The following ANKS1B variants were observed in gnomAD, a reference collection of about 807,000 sequenced individuals.
The protein encoded by ANKS1B is ankyrin repeat and sterile alpha motif domain containing 1B.
Under a neutral mutation model 148.3 loss-of-function variants are expected in ANKS1B, and 36 were observed. The observed-to-expected ratio is 0.24, with a 90% confidence interval of 0.19 to 0.32. The LOEUF is 0.32. Ranked by LOEUF, ANKS1B falls within the 10% of genes least tolerant of loss-of-function variation. ANKS1B has a pLI of 1.00. For missense variants in ANKS1B, 1,157 were observed against 1,542.6 expected, an observed-to-expected ratio of 0.75 and a Z score of 4.19; for synonymous variants, 542 against 560.8, an observed-to-expected ratio of 0.97 and a Z score of 0.47.
At chr12:99,105,656 C>T (rs1398686354) in intron 15 of ANKS1B, among the ~76,000 whole-genome samples, 3 of 150,358 alleles carry the variant, frequency 2.0e-5, no homozygotes, top group Admixed American at 6.6e-5. Context: ...GTAGTCCCAG[C>T]TACTCGGTAG....
Position 99,706,120 on chromosome 12 carries a change from TG to T in ANKS1B, c.1129-50911del, listed in dbSNP as rs373376382. On this transcript the variant is annotated intron_variant, in intron 8 of 26. Coordinates refer to ENST00000683438, the MANE Select transcript of ANKS1B (RefSeq NM_001352186.2). ...TAAAGAGATAGTCATGGAAAACATGTGTGTGCTTGTGTGGGGTACTGTTATA... is the reference window on the plus strand; with the variant it reads ...TAAAGAGATAGTCATGGAAAACATGTTGTGCTTGTGTGGGGTACTGTTATA... Among the ~76,000 whole-genome samples, 597 of 152,164 alleles carry T rather than the reference TG, an allele frequency of 3.9e-3. 9 individuals are homozygous for T. The highest frequency in any genetic ancestry group is 0.014 in the African/African-American group (568 of 41,532).
intron 9 of ANKS1B, among the ~76,000 whole-genome samples, chr12:99,643,859 TCA>T (rs774384245): frequency 1.9e-4 from 29 of 152,202 alleles, no homozygotes; most frequent in African/African-American, 2.7e-4. Context: ...TTGAATAATC[TCA>T]GTTTTTGATC....
At chr12:99,548,177 T>C (rs562368686) in intron 9 of ANKS1B, among the ~76,000 whole-genome samples, 1 of 152,304 alleles carries the variant, frequency 6.6e-6, no homozygotes, top group African/African-American at 2.4e-5. Context: ...GCCTGAAATA[T>C]ATAATAGCAT....
rs35069354 is a variant in ANKS1B at position 99,668,719 on chromosome 12, A to AT, written c.1129-13510dup. On this transcript the variant is annotated intron_variant, in intron 8 of 26. Transcript: ENST00000683438. ...AAATTTTTCAGCCATTGTTTTTGTT[A>AT]TTTTTTTTTGTTATTCTTTCATTCC... Among the ~76,000 whole-genome samples, 530 of 149,656 alleles carry AT rather than the reference A, an allele frequency of 3.5e-3. 3 individuals carry two copies. Among genetic ancestry groups the AT allele is most frequent in the Non-Finnish European group, 5.6e-3 (373 of 67,090 alleles).
At chr12:99,370,014 T>C (rs531309118) in intron 12 of ANKS1B, among the ~76,000 whole-genome samples, 1 of 152,266 alleles carries the variant, frequency 6.6e-6, no homozygotes, top group Admixed American at 6.5e-5. Context: ...TGAAGAACAT[T>C]GTACAAATAT....
intron 9 of ANKS1B, among the ~76,000 whole-genome samples, chr12:99,599,211 T>C (rs1348072260): frequency 1.3e-5 from 2 of 152,108 alleles, no homozygotes; most frequent in African/African-American, 4.8e-5. Flanking sequence ...TAACATTTAC[T>C]GGTACCAAGA....
At chr12:99,921,385 T>C (rs761577736) in intron 1 of ANKS1B, among the ~76,000 whole-genome samples, 2 of 152,276 alleles carry the variant, frequency 1.3e-5, no homozygotes, top group East Asian at 1.9e-4. Flanking sequence ...TCTCCAGCCA[T>C]GCAGAACTGT....
At chr12:99,320,518 C>T (rs2085050497) in intron 12 of ANKS1B, among the ~76,000 whole-genome samples, 1 of 152,142 alleles carries the variant, frequency 6.6e-6, no homozygotes, top group Admixed American at 6.5e-5. Context: ...TCATGTAGTT[C>T]TCGTGGCATG....
intron 15 of ANKS1B, chr12:99,097,084 T>C (rs1026285959): frequency 1.3e-5 from 2 of 152,178 alleles, no homozygotes; most frequent in Non-Finnish European, 1.5e-5. Flanking sequence ...GTTTGCTAAG[T>C]GTTGAATAAA....
At chr12:99,440,231 T>C (rs1342874771) in intron 11 of ANKS1B, among the ~76,000 whole-genome samples, 1 of 151,820 alleles carries the variant, frequency 6.6e-6, no homozygotes, top group Non-Finnish European at 1.5e-5. Context: ...GTTATACCTA[T>C]GTAAATAATT....
chr12:99,779,574 T>C (rs953454442), intron 6 of ANKS1B, among the ~76,000 whole-genome samples: 2 of 152,186 alleles, frequency 1.3e-5, no homozygotes, highest in Non-Finnish European at 2.9e-5. Flanking sequence ...TATAGCCTTA[T>C]TAACTTCCAG....
chr12:99,750,673 CCCATCCCCTTTAACCT>C (rs942216291), intron 8 of ANKS1B, among the ~76,000 whole-genome samples: 9 of 151,908 alleles, frequency 5.9e-5, no homozygotes, highest in Non-Finnish European at 8.8e-5. Context: ...TGTTTCCAGG[CCCATCCCCTTTAACCT>C]CCTACCTCAC....
intron 15 of ANKS1B, among the ~76,000 whole-genome samples, chr12:99,134,645 TCACACACACACACACACACACACACA>T (rs4016023): frequency 3.9e-4 from 41 of 105,048 alleles, no homozygotes; most frequent in South Asian, 1.0e-3. Context: ...TCTCTCTCTC[TCACACACACACACACACACACACACA>T]CACACACACA....
chr12:99,461,616 T>C (rs2095972588), intron 10 of ANKS1B, among the ~76,000 whole-genome samples: 1 of 152,182 alleles, frequency 6.6e-6, no homozygotes. Context: ...ATAGCTATAA[T>C]TTATGAACTT....
At chr12:98,815,574 A>C (rs2099132779) in intron 19 of ANKS1B, among the ~76,000 whole-genome samples, 1 of 152,156 alleles carries the variant, frequency 6.6e-6, no homozygotes, top group Admixed American at 6.5e-5. Context: ...CTCCTTTTGC[A>C]TTTATTAAAT....
chr12:99,654,958 C>G, intron 9 of ANKS1B, 109 bp downstream of exon 9: 1 of 1,269,570 alleles, frequency 7.9e-7, no homozygotes, highest in Non-Finnish European at 1.1e-6. Flanking sequence ...TCCAAAATCA[C>G]AAAGTGAACA....
intron 12 of ANKS1B, among the ~76,000 whole-genome samples, chr12:99,377,156 C>T (rs1237710360): frequency 2.6e-5 from 4 of 151,888 alleles, no homozygotes; most frequent in Admixed American, 2.6e-4. Flanking sequence ...TACAGTCGCG[C>T]GTGACCAGGC....
At chr12:99,652,565 A>G (rs1217236253) in intron 9 of ANKS1B, among the ~76,000 whole-genome samples, 1 of 152,158 alleles carries the variant, frequency 6.6e-6, no homozygotes, top group Non-Finnish European at 1.5e-5. Flanking sequence ...AAAAACACCC[A>G]AAACCTGTAT....
At chr12:98,950,628 T>TA (rs1455098417) in intron 17 of ANKS1B, among the ~76,000 whole-genome samples, 1 of 150,002 alleles carries the variant, frequency 6.7e-6, no homozygotes, top group Non-Finnish European at 1.5e-5. Flanking sequence ...CCAGATTTTT[T>TA]AGTCCTGCCC....
Sources: gnomAD v4.1 joint callset for allele counts (sites outside exome capture counted in the v4.1 genomes callset) on GRCh38, gnomAD v4.1.1 for gene constraint, MANE v1.5 for transcripts, NCBI Gene and HGNC (gene_info 2026-07-23, HGNC 2026-07-21) for gene names.